PRDM16: variants seen among roughly 807,000 people sequenced by gnomAD.
The protein encoded by PRDM16 is histone-lysine N-methyltransferase PRDM16.
A neutral mutation model predicts 110.6 loss-of-function variants in PRDM16; 23 were observed. The observed-to-expected ratio is 0.21, with a 90% CI of 0.15 to 0.29. The LOEUF (loss-of-function observed/expected upper bound fraction) is 0.29, where lower values mean the gene tolerates loss of function less well. Among genes scored for constraint, PRDM16 ranks in the 10% least tolerant of loss-of-function variants. The probability of loss-of-function intolerance (pLI) is 1.00; values close to 1 mark genes in which losing one functional copy is unlikely to be tolerated. For missense variants in PRDM16, 1,615 were observed against 1,794.3 expected, an observed-to-expected ratio of 0.90 and a Z score of 1.81; for synonymous variants, 799 against 781.8, an observed-to-expected ratio of 1.02 and a Z score of -0.37.
intron 1 of PRDM16, among the ~76,000 whole-genome samples, chr1:3,085,538 C>G (rs1324439626): frequency 6.6e-6 from 1 of 152,238 alleles, no homozygotes; most frequent in East Asian, 1.9e-4. Flanking sequence ...CTGGCACCCA[C>G]TGTTCAAAAG....
chr1:3,164,681 G>A (rs994763822), intron 1 of PRDM16, among the ~76,000 whole-genome samples: 2 of 152,176 alleles, frequency 1.3e-5, no homozygotes, highest in African/African-American at 4.8e-5. Context: ...AGGAGGCGGC[G>A]TGGTCGAGCG....
Position 3,231,588 on chromosome 1 carries a change from G to A in PRDM16, c.388-12499G>A, listed in dbSNP as rs1000993822. Reference sequence around the variant, plus strand: ...CAGGATTATTTGCCTGGTTTCTGCCGTCCTTCCCAGCTCTGTGAAAGGCAC... The same window carrying A: ...CAGGATTATTTGCCTGGTTTCTGCCATCCTTCCCAGCTCTGTGAAAGGCAC... On this transcript the variant is annotated intron_variant, in intron 2 of 16. Transcript: ENST00000270722. Among the ~76,000 whole-genome samples the A allele has an allele frequency of 5.9e-5, 9 of 152,312 alleles. No homozygotes were observed. The South Asian group carries it at 6.2e-4, about 11-fold the overall frequency.
chr1:3,127,295 C>T (rs906720765), intron 1 of PRDM16, among the ~76,000 whole-genome samples: 2 of 152,218 alleles, frequency 1.3e-5, no homozygotes, highest in East Asian at 1.9e-4. Context: ...AACGGCGGTG[C>T]GCAGGCTTTG....
intron 1 of PRDM16, among the ~76,000 whole-genome samples, chr1:3,179,247 C>T (rs1420453064): frequency 2.0e-5 from 3 of 152,242 alleles, no homozygotes; most frequent in African/African-American, 7.2e-5. Flanking sequence ...TAGGGTGAGG[C>T]AGAGAGGCCA....
intron 3 of PRDM16, among the ~76,000 whole-genome samples, chr1:3,372,387 G>T (rs1395878886): frequency 6.6e-6 from 1 of 152,242 alleles, no homozygotes; most frequent in Non-Finnish European, 1.5e-5. Flanking sequence ...CGCATCTGCT[G>T]TGGGGTGCCA....
At chr1:3,165,562 AGGGCTCAGGGACAGGGACTCACCT>A (rs1643944081) in intron 1 of PRDM16, among the ~76,000 whole-genome samples, 2 of 13,044 alleles carry the variant, frequency 1.5e-4, no homozygotes, top group African/African-American at 6.7e-4. Context: ...GGGACTCACC[AGGGCTCAGGGACAGGGACTCACCT>A]GGGCCCAGGG....
At chr1:3,112,126 C>A (rs1161471058) in intron 1 of PRDM16, among the ~76,000 whole-genome samples, 1 of 152,184 alleles carries the variant, frequency 6.6e-6, no homozygotes, top group African/African-American at 2.4e-5. Context: ...TTCCTTTCCC[C>A]CCCTTATTTT....
chr1:3,129,686 G>A (rs1473870651), intron 1 of PRDM16, among the ~76,000 whole-genome samples: 1 of 152,176 alleles, frequency 6.6e-6, no homozygotes, highest in Non-Finnish European at 1.5e-5. Context: ...AGTGCCACAG[G>A]TAGGGGCAAG....
intron 3 of PRDM16, among the ~76,000 whole-genome samples, chr1:3,341,459 G>A (rs1045967813): frequency 2.0e-5 from 3 of 152,176 alleles, no homozygotes; most frequent in Non-Finnish European, 4.4e-5. Flanking sequence ...GAAGAATCGG[G>A]GTGGTCTGGC....
intron 1 of PRDM16, among the ~76,000 whole-genome samples, chr1:3,181,974 C>G (rs1235952200): frequency 6.6e-6 from 1 of 152,062 alleles, no homozygotes; most frequent in Non-Finnish European, 1.5e-5. Flanking sequence ...CTTACACATG[C>G]AGTCACATGC....
chr1:3,203,841 C>CG (rs201650269), intron 2 of PRDM16, among the ~76,000 whole-genome samples: 1,936 of 151,858 alleles, frequency 0.013, 24 homozygotes, highest in African/African-American at 0.033. Context: ...CAGGTGAATT[C>CG]GGGGGGGGCA....
chr1:3,319,344 C>A (rs1641686988), intron 3 of PRDM16, among the ~76,000 whole-genome samples: 2 of 152,208 alleles, frequency 1.3e-5, no homozygotes, highest in African/African-American at 4.8e-5. Context: ...GCAAAAAGGT[C>A]ACTGTTTTAT....
At chr1:3,394,594 G>A (rs1643356737) in intron 4 of PRDM16, 3 of 367,428 alleles carry the variant, frequency 8.2e-6, no homozygotes, top group South Asian at 5.7e-5. Flanking sequence ...CCTCAGCCTC[G>A]CCCGCTGACC....
At chr1:3,356,362 G>C (rs564484554) in intron 3 of PRDM16, among the ~76,000 whole-genome samples, 1 of 152,218 alleles carries the variant, frequency 6.6e-6, no homozygotes, top group Non-Finnish European at 1.5e-5. Context: ...TGCTCAGGAC[G>C]TGCGGCTGCC....
intron 14 of PRDM16, among the ~76,000 whole-genome samples, chr1:3,429,322 C>G (rs549341296): frequency 6.6e-6 from 1 of 152,360 alleles, no homozygotes; most frequent in African/African-American, 2.4e-5. Context: ...GTGTCCGTGC[C>G]GGATGCTCCG....
intron 1 of PRDM16, among the ~76,000 whole-genome samples, chr1:3,103,792 G>A (rs750983933): frequency 3.9e-5 from 6 of 152,308 alleles, no homozygotes; most frequent in Admixed American, 6.5e-5. Context: ...TCCCATTTTT[G>A]TGGGGTTGAG....
At chr1:3,114,175 G>GCA (rs59552389) in intron 1 of PRDM16, among the ~76,000 whole-genome samples, 5 of 112,896 alleles carry the variant, frequency 4.4e-5, no homozygotes, top group Non-Finnish European at 7.9e-5. Context: ...GCACACACAC[G>GCA]CACACACACG....
chr1:3,188,772 G>A (rs746862316), intron 2 of PRDM16, among the ~76,000 whole-genome samples: 3 of 152,268 alleles, frequency 2.0e-5, no homozygotes, highest in Non-Finnish European at 4.4e-5. Context: ...CGGTGCCTTC[G>A]GGAGCTGACA....
intron 1 of PRDM16, 148 bp from the exon 2 acceptor site, chr1:3,185,977 C>A (rs1049285922): frequency 6.2e-6 from 4 of 646,934 alleles, no homozygotes; most frequent in African/African-American, 3.7e-5. Context: ...GTGGAGGCAG[C>A]GTCTCCCGGG....
Sources: allele counts gnomAD v4.1 joint callset (sites outside exome capture counted in the v4.1 genomes callset), GRCh38; gene constraint gnomAD v4.1.1; transcripts MANE v1.5; gene names NCBI Gene and HGNC (gene_info 2026-07-23, HGNC 2026-07-21).